HHAT: variants seen among roughly 807,000 people sequenced by gnomAD.
HHAT encodes the protein protein-cysteine N-palmitoyltransferase HHAT.
HHAT carries 47 observed loss-of-function variants against 70.8 expected under a neutral mutation model. That is an observed-to-expected ratio of 0.66 (90% CI 0.53 to 0.85). The LOEUF is 0.85. Ranked by LOEUF, HHAT falls within the 40% of genes least tolerant of loss-of-function variation. HHAT has a pLI of 0.00. For synonymous variants in HHAT, 228 were observed against 247.6 expected, an observed-to-expected ratio of 0.92 and a Z score of 0.74; for missense variants, 609 against 604.8, an observed-to-expected ratio of 1.01 and a Z score of -0.07.
intron 3 of HHAT, among the ~76,000 whole-genome samples, chr1:210,363,304 T>G (rs1278539097): frequency 1.3e-5 from 2 of 152,198 alleles, no homozygotes; most frequent in African/African-American, 2.4e-5. Context: ...TCCCTGGCTG[T>G]CCATGCTGCT....
At chr1:210,571,967 A>G (rs2148736998) in intron 9 of HHAT, among the ~76,000 whole-genome samples, 1 of 152,342 alleles carries the variant, frequency 6.6e-6, no homozygotes, top group Admixed American at 6.5e-5. Context: ...GATTTTTCAA[A>G]TAAGCATCAT....
chr1:210,616,734 A>G (rs1327408139), intron 10 of HHAT, among the ~76,000 whole-genome samples: 3 of 152,228 alleles, frequency 2.0e-5, no homozygotes, highest in Non-Finnish European at 4.4e-5. Flanking sequence ...AATTAGAGAA[A>G]CGTATGTGAA....
At chr1:210,373,956 G>A (rs1225744794) in intron 3 of HHAT, among the ~76,000 whole-genome samples, 2 of 152,158 alleles carry the variant, frequency 1.3e-5, no homozygotes, top group Non-Finnish European at 2.9e-5. Context: ...TTGCTAATTA[G>A]CAAGTCAGAT....
intron 9 of HHAT, among the ~76,000 whole-genome samples, chr1:210,521,030 G>A (rs781658706): frequency 3.7e-4 from 57 of 152,342 alleles, no homozygotes; most frequent in Non-Finnish European, 7.2e-4. Context: ...TGGCCCTGAA[G>A]CTATTTGAGA....
intron 1 of HHAT, among the ~76,000 whole-genome samples, chr1:210,340,387 C>T (rs1197910770): frequency 2.0e-5 from 3 of 151,830 alleles, no homozygotes; most frequent in African/African-American, 7.3e-5. Context: ...AAAATTGGAC[C>T]CTGGAAAAGG....
Position 210,513,200 on chromosome 1 carries a change from AT to A in HHAT, c.1043+17del. 7.2e-7 allele frequency: 1 copy of A among 1,391,844 alleles called. No individual in the cohort carries two copies. The highest frequency in any genetic ancestry group is 1.0e-6 in the Non-Finnish European group (1 of 986,248). 86.2% of individuals were successfully genotyped at this position (1,391,844 alleles called of 1,614,324 possible). ...AATTTCTTAATCAGGTAAGCCAATA[AT>A]TTTTATTTTAGATAACATTGAATAA... On this transcript the variant is annotated intron_variant, in intron 9 of 11. Transcript: ENST00000261458.
At chr1:210,606,578 G>A (rs1255763946) in intron 10 of HHAT, among the ~76,000 whole-genome samples, 6 of 152,070 alleles carry the variant, frequency 3.9e-5, no homozygotes, top group African/African-American at 1.4e-4. Flanking sequence ...CTCTTTAGAT[G>A]CTCTGTTTAG....
intron 6 of HHAT, among the ~76,000 whole-genome samples, chr1:210,410,727 T>C (rs1964120): frequency 0.31 from 46,434 of 151,576 alleles, 7,977 homozygotes; most frequent in Non-Finnish European, 0.39. Flanking sequence ...GGTTTGACCC[T>C]GTTGGCCAGG....
At chr1:210,597,142 G>C (rs1663188619) in intron 10 of HHAT, among the ~76,000 whole-genome samples, 1 of 152,198 alleles carries the variant, frequency 6.6e-6, no homozygotes, top group Non-Finnish European at 1.5e-5. Flanking sequence ...TGGATTGTCA[G>C]GTAAAGACTC....
chr1:210,433,136 A>G (rs1203108555), intron 7 of HHAT, among the ~76,000 whole-genome samples: 1 of 151,668 alleles, frequency 6.6e-6, no homozygotes, highest in Non-Finnish European at 1.5e-5. Flanking sequence ...GTAACATTCT[A>G]CCCTGTCCAG....
At chr1:210,543,646 CA>C (rs2095453182) in intron 9 of HHAT, among the ~76,000 whole-genome samples, 1 of 152,140 alleles carries the variant, frequency 6.6e-6, no homozygotes, top group Admixed American at 6.5e-5. Flanking sequence ...TTAATTTTTC[CA>C]AATTTTTCTT....
At chr1:210,480,118 A>G (rs1287323341) in intron 8 of HHAT, among the ~76,000 whole-genome samples, 2 of 152,152 alleles carry the variant, frequency 1.3e-5, no homozygotes, top group Non-Finnish European at 2.9e-5. Context: ...GTGTCTTTTG[A>G]CTAAACTGAC....
intron 3 of HHAT, among the ~76,000 whole-genome samples, chr1:210,370,673 G>GACAT (rs1020422258): frequency 3.0e-5 from 4 of 133,298 alleles, no homozygotes; most frequent in African/African-American, 1.1e-4. Flanking sequence ...GGAGTGCAGT[G>GACAT]ACATGATCTT....
At chr1:210,562,216 A>G (rs1403818081) in intron 9 of HHAT, among the ~76,000 whole-genome samples, 1 of 151,386 alleles carries the variant, frequency 6.6e-6, no homozygotes, top group East Asian at 1.9e-4. Context: ...TAGTGTAAAC[A>G]ATATTAGCAG....
At chr1:210,609,411 AAATGT>A (rs68004850) in intron 10 of HHAT, among the ~76,000 whole-genome samples, 43,341 of 151,818 alleles carry the variant, frequency 0.29, 7,729 homozygotes, top group East Asian at 0.65. Flanking sequence ...AAATTTTAAA[AAATGT>A]AATGGTGTGT....
intron 8 of HHAT, among the ~76,000 whole-genome samples, chr1:210,490,476 T>C (rs1270674875): frequency 2.0e-5 from 3 of 152,162 alleles, no homozygotes; most frequent in African/African-American, 7.2e-5. Context: ...GAGAATTCTC[T>C]AGGGGAGAGG....
At chr1:210,434,128 A>T (rs2093321015) in intron 7 of HHAT, among the ~76,000 whole-genome samples, 1 of 151,996 alleles carries the variant, frequency 6.6e-6, no homozygotes, top group South Asian at 2.1e-4. Flanking sequence ...TACACAATTT[A>T]TCAGAAGTTG....
intron 11 of HHAT, among the ~76,000 whole-genome samples, chr1:210,624,968 C>T (rs1558301996): frequency 6.6e-6 from 1 of 152,184 alleles, no homozygotes; most frequent in African/African-American, 2.4e-5. Flanking sequence ...GGTGCTTTTG[C>T]TGCAGCTCTT....
chr1:210,651,239 T>G (rs1396541350), intron 11 of HHAT, among the ~76,000 whole-genome samples: 1 of 152,258 alleles, frequency 6.6e-6, no homozygotes, highest in Non-Finnish European at 1.5e-5. Context: ...GGGGCAGTGA[T>G]CAGCCTCTGG....
Sources: allele counts gnomAD v4.1 joint callset (sites outside exome capture counted in the v4.1 genomes callset), GRCh38; gene constraint gnomAD v4.1.1; transcripts MANE v1.5; gene names NCBI Gene and HGNC (gene_info 2026-07-23, HGNC 2026-07-21).